TBC1D1: variants seen among roughly 807,000 people sequenced by gnomAD.
TBC1D1 encodes the protein TBC1 (tre-2/USP6, BUB2, cdc16) domain family, member 1.
In TBC1D1, 89 loss-of-function variants were observed where a neutral mutation model predicts 125.6. The observed-to-expected ratio is 0.71, with a 90% CI of 0.60 to 0.85. TBC1D1 has a LOEUF of 0.85. Among genes scored for constraint, TBC1D1 ranks in the 40% least tolerant of loss-of-function variants. The pLI is 0.00. For synonymous variants in TBC1D1, 565 were observed against 564.1 expected (o/e 1.00, Z -0.02); for missense variants, 1,377 against 1,469.2 (o/e 0.94, Z 1.03).
At chr4:38,135,765 C>G (rs1412892692) in intron 19 of TBC1D1, among the ~76,000 whole-genome samples, 1 of 152,028 alleles carries the variant, frequency 6.6e-6, no homozygotes, top group African/African-American at 2.4e-5. Context: ...CCAGCCAGAG[C>G]TAGACTTCGA....
chr4:38,022,992 A>G (rs1364440415), intron 6 of TBC1D1, among the ~76,000 whole-genome samples: 1 of 152,148 alleles, frequency 6.6e-6, no homozygotes, highest in Non-Finnish European at 1.5e-5. Context: ...TGAGGTGGGC[A>G]GATCACTTCA....
chr4:38,128,334 C>A (rs1371740359), intron 18 of TBC1D1, among the ~76,000 whole-genome samples: 1 of 152,130 alleles, frequency 6.6e-6, no homozygotes, highest in Admixed American at 6.5e-5. Flanking sequence ...TTCCTACTGC[C>A]CCCTCCCATC....
intron 2 of TBC1D1, among the ~76,000 whole-genome samples, chr4:38,004,320 C>G (rs1033086381): frequency 3.9e-5 from 6 of 152,184 alleles, no homozygotes; most frequent in African/African-American, 1.4e-4. Flanking sequence ...TGGGCTCACT[C>G]TCATATCTTT....
chr4:37,909,552 T>G (rs1718097611), intron 2 of TBC1D1, among the ~76,000 whole-genome samples: 1 of 152,158 alleles, frequency 6.6e-6, no homozygotes. Context: ...TTCGCTAGAG[T>G]GAAGATCGAA....
chr4:38,126,029 T>G (rs983812739), intron 18 of TBC1D1, among the ~76,000 whole-genome samples: 6 of 152,210 alleles, frequency 3.9e-5, no homozygotes, highest in African/African-American at 1.2e-4. Context: ...CATCATTAGG[T>G]GATTTCATCA....
intron 12 of TBC1D1, among the ~76,000 whole-genome samples, chr4:38,088,909 A>G (rs1371517315): frequency 6.6e-6 from 1 of 152,176 alleles, no homozygotes; most frequent in African/African-American, 2.4e-5. Flanking sequence ...CATAATATGT[A>G]TCAAATTGAG....
chr4:38,000,713 G>GT (rs1738877103), intron 2 of TBC1D1, among the ~76,000 whole-genome samples: 1 of 152,090 alleles, frequency 6.6e-6, no homozygotes, highest in Admixed American at 6.6e-5. Context: ...CACCAACTGG[G>GT]TCTCCAGTGA....
intron 19 of TBC1D1, among the ~76,000 whole-genome samples, chr4:38,133,803 A>T (rs868630319): frequency 2.0e-5 from 3 of 152,234 alleles, no homozygotes; most frequent in African/African-American, 7.2e-5. Context: ...AGGTGAGGAC[A>T]TACAGAAGAA....
At chr4:38,132,407 G>T (rs17579911) in intron 18 of TBC1D1, among the ~76,000 whole-genome samples, 24 of 152,282 alleles carry the variant, frequency 1.6e-4, no homozygotes, top group African/African-American at 5.3e-4. Flanking sequence ...GTACAGACAC[G>T]GACGGCTTGA....
chr4:38,099,445 G>A (rs1759922298), intron 14 of TBC1D1, among the ~76,000 whole-genome samples: 1 of 152,194 alleles, frequency 6.6e-6, no homozygotes, highest in Admixed American at 6.5e-5. Context: ...ACCTGGCATA[G>A]CCCTGGTTTA....
At chr4:38,031,634 A>G (rs1746159940) in intron 7 of TBC1D1, among the ~76,000 whole-genome samples, 1 of 152,038 alleles carries the variant, frequency 6.6e-6, no homozygotes, top group Admixed American at 6.5e-5. Context: ...ATTTTTTTTA[A>G]GAGAAAGGGG....
intron 19 of TBC1D1, among the ~76,000 whole-genome samples, chr4:38,135,924 A>ATGTGTGTG (rs57275262): frequency 4.1e-4 from 60 of 145,088 alleles, no homozygotes; most frequent in Admixed American, 1.1e-3. Flanking sequence ...GTGTGTGTAT[A>ATGTGTGTG]TGTGTGTGTG....
rs10029748 is a variant in TBC1D1, at chr4:37,891,252, G to A, written c.-190G>A. The A allele has an allele frequency of 0.085, 12,941 of 152,396 alleles. 1,441 individuals are homozygous for A. Among genetic ancestry groups the A allele is most frequent in the East Asian group, 0.46 (2,318 of 5,082 alleles). The allele number at this position is 152,396 out of a possible 1,614,324, so 9.4% of individuals were successfully genotyped here. On this transcript the variant is annotated 5_prime_UTR_variant, in exon 1 of 20. Coordinates refer to ENST00000261439, the MANE Select transcript of TBC1D1 (RefSeq NM_015173.4). Reference sequence around the variant, plus strand: ...GCGGGAAGAGCGCAGCCAGCCGGGTGCGATGGACTCCCCGCCCGCCCAGGC... The same window carrying A: ...GCGGGAAGAGCGCAGCCAGCCGGGTACGATGGACTCCCCGCCCGCCCAGGC...
At chr4:38,001,197 G>A (rs905392493) in intron 2 of TBC1D1, among the ~76,000 whole-genome samples, 3 of 151,068 alleles carry the variant, frequency 2.0e-5, no homozygotes, top group Non-Finnish European at 4.4e-5. Flanking sequence ...TCCAGCCTGA[G>A]CAACAGAGTA....
intron 7 of TBC1D1, among the ~76,000 whole-genome samples, chr4:38,031,273 A>G (rs1015676430): frequency 1.3e-5 from 2 of 152,222 alleles, no homozygotes; most frequent in African/African-American, 4.8e-5. Context: ...GACTAGATAA[A>G]TCAAGTAGAT....
At chr4:37,955,653 AT>A (rs1448834189) in intron 2 of TBC1D1, among the ~76,000 whole-genome samples, 1 of 152,202 alleles carries the variant, frequency 6.6e-6, no homozygotes, top group African/African-American at 2.4e-5. Flanking sequence ...TGCGAAACCC[AT>A]GGGTAAAGAG....
chr4:37,921,500 A>G (rs1465483955), intron 2 of TBC1D1, among the ~76,000 whole-genome samples: 1 of 151,340 alleles, frequency 6.6e-6, no homozygotes, highest in African/African-American at 2.4e-5. Context: ...TCCACCTCCC[A>G]GGTTCAAGCA....
intron 12 of TBC1D1, among the ~76,000 whole-genome samples, chr4:38,077,719 G>A (rs1037190223): frequency 5.3e-5 from 8 of 150,210 alleles, no homozygotes; most frequent in Non-Finnish European, 8.8e-5. Flanking sequence ...CTGGGGAGCC[G>A]TCGTCATCCT....
chr4:38,028,375 A>C (rs2152447159), intron 7 of TBC1D1, among the ~76,000 whole-genome samples: 1 of 152,312 alleles, frequency 6.6e-6, no homozygotes, highest in South Asian at 2.1e-4. Context: ...CATGTTGGTC[A>C]GGCTGTTCTC....
Sources: allele counts gnomAD v4.1 joint callset (sites outside exome capture counted in the v4.1 genomes callset), GRCh38; gene constraint gnomAD v4.1.1; transcripts MANE v1.5; gene names NCBI Gene and HGNC (gene_info 2026-07-23, HGNC 2026-07-21).